Variants in USP44 observed in about 807,000 individuals in gnomAD.
USP44 encodes the protein ubiquitin specific peptidase 44.
USP44 carries 61 observed loss-of-function variants against 69.0 expected under a neutral mutation model. That is an observed-to-expected ratio of 0.88 (90% CI 0.72 to 1.09). The LOEUF (loss-of-function observed/expected upper bound fraction) is 1.09, where lower values mean the gene tolerates loss of function less well. USP44 is among the 50% of genes least tolerant of loss of function. The pLI is 0.00. For missense variants in USP44, 753 were observed against 849.9 expected, an observed-to-expected ratio of 0.89 and a Z score of 1.42; for synonymous variants, 297 against 295.4, an observed-to-expected ratio of 1.01 and a Z score of -0.06.
At chr12:95,546,834 G>A (rs753368608) in intron 1 of USP44, 1 of 152,156 alleles carries the variant, frequency 6.6e-6, no homozygotes, top group African/African-American at 2.4e-5. Flanking sequence ...GGGTACTAGA[G>A]ATACACATAT....
Position 95,521,198 on chromosome 12 carries a change from A to G in USP44, c.1738T>C (p.Ser580Pro). ...LRLHLKRFRW[S>P]GRNNREKIGV... ...ATCTTCTCTCGGTTATTACGTCCTG[A>G]CCACCTGTGAACAAACCAGTGTAAA... Residue 580 changes from serine (S) to proline (P), a missense_variant, in exon 5 of 6, where the codon TCA (serine) becomes CCA (proline). Transcript: ENST00000258499. 1.2e-6 allele frequency: 2 copies of G among 1,614,206 alleles called. No individual in the cohort carries two copies. Among genetic ancestry groups the G allele is most frequent in the East Asian group, 4.5e-5 (2 of 44,876 alleles).
At chr12:95,540,541 C>T (rs774989211) in intron 1 of USP44, among the ~76,000 whole-genome samples, 12 of 152,106 alleles carry the variant, frequency 7.9e-5, no homozygotes, top group African/African-American at 2.2e-4. Flanking sequence ...GGGGTTTCAC[C>T]GTGTTGGCCA....
At chr12:95,539,043 G>C (rs1708472151) in intron 1 of USP44, among the ~76,000 whole-genome samples, 1 of 152,126 alleles carries the variant, frequency 6.6e-6, no homozygotes, top group African/African-American at 2.4e-5. Flanking sequence ...AATATTACCT[G>C]TACCAATATA....
At chr12:95,529,056 A>T in intron 2 of USP44, 54 bp from the exon 3 acceptor site, 1 of 1,453,116 alleles carries the variant, frequency 6.9e-7, no homozygotes, top group South Asian at 1.5e-5. Flanking sequence ...CAAAACATTA[A>T]CTCTTTTCAC....
chr12:95,545,378 T>G (rs1435334273), intron 1 of USP44, among the ~76,000 whole-genome samples: 3 of 152,170 alleles, frequency 2.0e-5, no homozygotes, highest in Non-Finnish European at 4.4e-5. Context: ...AACAAAACAT[T>G]TTTCTTTAAA....
Position 95,528,907 on chromosome 12 carries a change from T to C in USP44, c.1524A>G (p.Lys508=). ...EFPERYQCSG[K]DIASQPCLVT... ...CCAGACATGGCTGGGAAGCAATATC[T>C]TTTCCACTGCATTGATACCTTTCTG... Residue 508 remains lysine (K), a synonymous_variant, in exon 3 of 6, where the codon AAA becomes AAG. Transcript: ENST00000258499. 1.2e-6 allele frequency: 2 copies of C among 1,614,070 alleles called. No homozygotes were observed. Among genetic ancestry groups the C allele is most frequent in the Non-Finnish European group, 1.7e-6 (2 of 1,179,996 alleles).
At chr12:95,528,532 C>T (rs1347857491) in intron 3 of USP44, among the ~76,000 whole-genome samples, 1 of 152,200 alleles carries the variant, frequency 6.6e-6, no homozygotes, top group Non-Finnish European at 1.5e-5. Context: ...CTCTTTGCTA[C>T]TTTATTTTGC....
intron 1 of USP44, chr12:95,546,644 T>G (rs2077580380): frequency 6.6e-6 from 1 of 152,200 alleles, no homozygotes; most frequent in African/African-American, 2.4e-5. Context: ...TCCATTAGAA[T>G]CTGGCACCCA....
intron 5 of USP44, among the ~76,000 whole-genome samples, chr12:95,520,554 A>G (rs2076628111): frequency 6.6e-6 from 1 of 152,152 alleles, no homozygotes. Context: ...CTTTTGCTAG[A>G]ACTAGACTAT....
chr12:95,523,833 A>C (rs1278766965), intron 4 of USP44, among the ~76,000 whole-genome samples: 1 of 152,078 alleles, frequency 6.6e-6, no homozygotes, highest in African/African-American at 2.4e-5. Flanking sequence ...AGGTATTAGA[A>C]ATATTCTGCT....
intron 2 of USP44, 108 bp from the exon 3 acceptor site, chr12:95,529,110 C>T: frequency 1.1e-6 from 1 of 944,530 alleles, no homozygotes; most frequent in Non-Finnish European, 1.5e-6. Context: ...TGAAAATGCA[C>T]CATTAGGATT....
chr12:95,527,835 GC>G (rs1246543600), intron 3 of USP44, among the ~76,000 whole-genome samples: 3,974 of 70,876 alleles, frequency 0.056, 186 homozygotes, highest in African/African-American at 0.2. Flanking sequence ...GGAGGAAGAT[GC>G]TTTTTTTTTT....
At chr12:95,545,588 G>A (rs147762727) in intron 1 of USP44, among the ~76,000 whole-genome samples, 13 of 152,228 alleles carry the variant, frequency 8.5e-5, no homozygotes, top group African/African-American at 2.9e-4. Flanking sequence ...TTACCCACTC[G>A]TATAAGCAAT....
In USP44 at chr12:95,533,113, A is replaced by G; in HGVS notation, c.1144T>C (p.Cys382Arg). 6.2e-7 allele frequency: 1 copy of G among 1,614,234 alleles called. No homozygotes were observed. The highest frequency in any genetic ancestry group is 8.5e-7 in the Non-Finnish European group (1 of 1,180,046). ...KEPTSQYISL[C>R]HELHTLFQVM... ...TGGAACAAAGTATGCAATTCATGAC[A>G]AAGAGAAATGTACTGTGAAGTTGGC... is the stretch of plus-strand genomic sequence containing the variant. Residue 382 changes from cysteine to arginine, a missense_variant, in exon 2 of 6, where the codon TGT becomes CGT. Cys to Arg is a radical substitution (Grantham distance 180). Transcript: ENST00000258499.
chr12:95,535,497 GAAAT>G (rs1238412552), intron 1 of USP44: 1 of 152,112 alleles, frequency 6.6e-6, no homozygotes, highest in Non-Finnish European at 1.5e-5. Context: ...AACATACAAG[GAAAT>G]AAAGAGAAAA....
At chr12:95,535,148 GT>G (rs1423874868) in intron 1 of USP44, among the ~76,000 whole-genome samples, 1 of 152,216 alleles carries the variant, frequency 6.6e-6, no homozygotes, top group African/African-American at 2.4e-5. Context: ...ACTGTTAAAT[GT>G]ATGATTTTGA....
At chr12:95,550,538 T>G (rs1207850448) in intron 1 of USP44, among the ~76,000 whole-genome samples, 1 of 152,222 alleles carries the variant, frequency 6.6e-6, no homozygotes, top group Non-Finnish European at 1.5e-5. Context: ...AGGGCATCTC[T>G]TAAGATGAAA....
At position 95,537,805 on chromosome 12, in the gene USP44, T is replaced by G. The variant is rs575389372; in HGVS notation, c.-70-3479A>C. On this transcript the variant is annotated intron_variant, in intron 1 of 5. Coordinates refer to ENST00000258499, the MANE Select transcript of USP44 (RefSeq NM_032147.5). ...TCTGGGTAATGGGACTGAAAATTAC[T>G]GTACTTTCTTTATTAATCTATACTT... Among the ~76,000 whole-genome samples the G allele has an allele frequency of 1.6e-4, 24 of 152,368 alleles. No individual in the cohort carries two copies. The South Asian group carries it at 4.6e-3, about 29-fold the overall frequency.
At position 95,524,671 on chromosome 12, in the gene USP44, A is replaced by G; in HGVS notation, c.1733+9T>C. 1 of 1,589,562 alleles carries G rather than the reference A, an allele frequency of 6.3e-7. No individual in the cohort carries two copies. Among genetic ancestry groups the G allele is most frequent in the African/African-American group, 1.4e-5 (1 of 73,660 alleles). ...GAATGATAACTTTGCAACTGGTCCT[A>G]CTACAGACCTGAATCGTTTGAGGTG... On this transcript the variant is annotated intron_variant, in intron 4 of 5. Transcript: ENST00000258499.
Sources: allele counts gnomAD v4.1 joint callset (sites outside exome capture counted in the v4.1 genomes callset), GRCh38; gene constraint gnomAD v4.1.1; transcripts MANE v1.5; gene names NCBI Gene and HGNC (gene_info 2026-07-23, HGNC 2026-07-21).